Variants in MORC1 observed in about 807,000 individuals in gnomAD.
MORC1 encodes the protein MORC family CW-type zinc finger 1, also known as MORC family CW-type zinc finger protein 1.
A neutral mutation model predicts 134.9 loss-of-function variants in MORC1; 59 were observed. The observed-to-expected ratio is 0.44, with a 90% CI of 0.35 to 0.54. The LOEUF is 0.54. Among genes scored for constraint, MORC1 ranks in the 20% least tolerant of loss-of-function variants. The pLI is 0.00. For missense variants in MORC1, 947 were observed against 1,134.5 expected (o/e 0.83, Z 2.37); for synonymous variants, 395 against 391.7 (o/e 1.01, Z -0.10).
chr3:109,055,229 T>C (rs923111097), intron 13 of MORC1, among the ~76,000 whole-genome samples: 1 of 152,222 alleles, frequency 6.6e-6, no homozygotes, highest in Non-Finnish European at 1.5e-5. Context: ...CATGATCTTC[T>C]AAATGACAGT....
At chr3:109,092,306 T>A (rs1353152060) in intron 8 of MORC1, among the ~76,000 whole-genome samples, 1 of 152,192 alleles carries the variant, frequency 6.6e-6, no homozygotes, top group Non-Finnish European at 1.5e-5. Flanking sequence ...AGAAAAAACA[T>A]ACAACAGCAA....
chr3:109,028,480 G>C lies in MORC1; in HGVS notation c.1566-591C>G, dbSNP rs144662205. Among the ~76,000 whole-genome samples, 72 of 152,286 alleles carry C rather than the reference G, an allele frequency of 4.7e-4. 1 individual carries two copies. The East Asian group carries it at 0.012, about 26-fold the overall frequency. On this transcript the variant is annotated intron_variant, in intron 16 of 27. Coordinates refer to ENST00000232603, the MANE Select transcript of MORC1 (RefSeq NM_014429.4). ...CTGCCCAAGTGCTCTGCTGTCGTAA[G>C]AGTATCTGCTTTCCAGCCTTACAGA...
intron 16 of MORC1, among the ~76,000 whole-genome samples, chr3:109,030,496 C>T (rs1401022864): frequency 2.6e-5 from 4 of 152,284 alleles, no homozygotes; most frequent in East Asian, 1.9e-4. Flanking sequence ...ATCAATTTTG[C>T]TTTACATCTC....
At chr3:108,995,662 TAGA>T (rs1420495009) in intron 21 of MORC1, among the ~76,000 whole-genome samples, 1 of 152,158 alleles carries the variant, frequency 6.6e-6, no homozygotes, top group Admixed American at 6.5e-5. Flanking sequence ...CTAGCTTGAC[TAGA>T]AGGACAAAAG....
intron 8 of MORC1, among the ~76,000 whole-genome samples, chr3:109,070,339 TAAA>T (rs779827452): frequency 1.2e-4 from 18 of 151,712 alleles, no homozygotes; most frequent in Non-Finnish European, 2.1e-4. Context: ...AAGAGAAAAA[TAAA>T]GAATCGGAAG....
At chr3:109,104,002 T>A in intron 3 of MORC1, 85 bp from the exon 4 acceptor site, 1 of 1,232,722 alleles carries the variant, frequency 8.1e-7, no homozygotes, top group South Asian at 1.2e-5. Flanking sequence ...ATTATTCGTC[T>A]TCCTCCAATG....
chr3:109,062,257 A>C (rs1950100965), intron 10 of MORC1, among the ~76,000 whole-genome samples, 199 bp from the exon 11 acceptor site: 1 of 152,200 alleles, frequency 6.6e-6, no homozygotes, highest in African/African-American at 2.4e-5. Flanking sequence ...GACAATTTAC[A>C]GGACATAAAT....
rs1947005567 is a variant in MORC1 at position 108,958,871 on chromosome 3, G to C, written c.*94C>G. 4 of 790,990 alleles carry C rather than the reference G, an allele frequency of 5.1e-6. No homozygotes were observed. In the Admixed American group the frequency reaches 1.2e-4, roughly 24 times the overall value. The allele number at this position is 790,990 out of a possible 1,614,324, so 49.0% of individuals were successfully genotyped here. A position where few individuals can be genotyped will look rare whatever the true frequency, so the allele number is the denominator to read the frequency against. ...TTATTTCTTATTGTTAAACAGAATA[G>C]ACTTTACAGTAACAACAACAAAAAA... On this transcript the variant is annotated 3_prime_UTR_variant, in exon 28 of 28. Transcript: ENST00000232603.
At chr3:108,983,028 A>G (rs1947789834) in intron 23 of MORC1, among the ~76,000 whole-genome samples, 1 of 152,178 alleles carries the variant, frequency 6.6e-6, no homozygotes, top group Non-Finnish European at 1.5e-5. Flanking sequence ...GTGATTCCAA[A>G]AAAAAAACAA....
Position 109,093,426 on chromosome 3 carries a change from ACAC to A in MORC1, c.689+7_689+9del. Reference sequence around the variant, plus strand: ...ATTGTTGAAAAACATTCTGTCAAACACACACATACTCCTCCAGAGCTCCAGCCA... The same window carrying A: ...ATTGTTGAAAAACATTCTGTCAAACAACATACTCCTCCAGAGCTCCAGCCA... On this transcript the variant is annotated splice_region_variant and intron_variant, in intron 8 of 27. Coordinates refer to ENST00000232603, the MANE Select transcript of MORC1 (RefSeq NM_014429.4). 3 of 1,596,924 alleles carry A rather than the reference ACAC, an allele frequency of 1.9e-6. No individual in the cohort carries two copies. Among genetic ancestry groups the A allele is most frequent in the Non-Finnish European group, 2.6e-6 (3 of 1,165,010 alleles).
At chr3:109,040,485 A>G (rs111867334) in intron 14 of MORC1, among the ~76,000 whole-genome samples, 10,310 of 113,756 alleles carry the variant, frequency 0.091, 930 homozygotes, top group South Asian at 0.14. Context: ...AGAAAGAAAG[A>G]AAGGAAAGAA....
At chr3:109,087,821 A>T (rs1950644949) in intron 8 of MORC1, among the ~76,000 whole-genome samples, 2 of 152,172 alleles carry the variant, frequency 1.3e-5, no homozygotes, top group East Asian at 3.8e-4. Flanking sequence ...ACCCGACTTC[A>T]AATTATACTA....
chr3:109,109,819 G>A (rs1300432923), intron 3 of MORC1: 1 of 152,328 alleles, frequency 6.6e-6, no homozygotes, highest in Non-Finnish European at 1.5e-5. Context: ...GGGCAAAAGA[G>A]TTTCAGAGGA....
At chr3:109,037,152 G>C (rs773831689) in intron 14 of MORC1, among the ~76,000 whole-genome samples, 8 of 152,172 alleles carry the variant, frequency 5.3e-5, no homozygotes, top group Non-Finnish European at 1.0e-4. Flanking sequence ...GGGTCTGGGG[G>C]TTAATGGCAC....
intron 21 of MORC1, among the ~76,000 whole-genome samples, chr3:108,995,981 G>A (rs1045495829): frequency 1.3e-5 from 2 of 152,246 alleles, no homozygotes; most frequent in Non-Finnish European, 2.9e-5. Flanking sequence ...TCATGTAGGG[G>A]ACAGTTATGA....
chr3:109,071,547 A>G (rs1235976970), intron 8 of MORC1, among the ~76,000 whole-genome samples: 1 of 152,164 alleles, frequency 6.6e-6, no homozygotes, highest in African/African-American at 2.4e-5. Flanking sequence ...TGCTGCAGTG[A>G]GGACACACAG....
intron 17 of MORC1, among the ~76,000 whole-genome samples, chr3:109,015,740 G>A (rs1948802787): frequency 6.6e-6 from 1 of 151,930 alleles, no homozygotes; most frequent in Admixed American, 6.6e-5. Context: ...TCCCAATTCT[G>A]CCTGAGAAAA....
chr3:109,030,881 TGAA>T (rs1949226217), intron 16 of MORC1, among the ~76,000 whole-genome samples: 1 of 152,218 alleles, frequency 6.6e-6, no homozygotes, highest in Non-Finnish European at 1.5e-5. Flanking sequence ...CTTGAAGTGA[TGAA>T]TACCTCTATT....
At chr3:108,997,815 T>C (rs1273114123) in intron 21 of MORC1, among the ~76,000 whole-genome samples, 1 of 152,092 alleles carries the variant, frequency 6.6e-6, no homozygotes, top group Non-Finnish European at 1.5e-5. Flanking sequence ...CAGAGTGAGA[T>C]GTTGCCTGAA....
Sources: gnomAD v4.1 joint callset for allele counts (sites outside exome capture counted in the v4.1 genomes callset) on GRCh38, gnomAD v4.1.1 for gene constraint, MANE v1.5 for transcripts, NCBI Gene and HGNC (gene_info 2026-07-23, HGNC 2026-07-21) for gene names.